The following C19orf12 variants were observed in gnomAD, a reference collection of about 807,000 sequenced individuals.
The protein encoded by C19orf12 is protein C19orf12.
Under a neutral mutation model 3.8 loss-of-function variants are expected in C19orf12, and 2 were observed. The ratio of observed to expected loss-of-function variants is 0.53; its 90% CI spans 0.22 to 1.66. The LOEUF is 1.66. Ranked by LOEUF, C19orf12 falls within the 40% of genes most tolerant of loss-of-function variation. The probability of loss-of-function intolerance (pLI) is 0.20; values close to 1 mark genes in which losing one functional copy is unlikely to be tolerated. For synonymous variants in C19orf12, 89 were observed against 84.6 expected, an observed-to-expected ratio of 1.05 and a Z score of -0.28; for missense variants, 156 against 188.8, an observed-to-expected ratio of 0.83 and a Z score of 1.02.
chr19:29,714,004 C>CTCTCTT (rs1012854196), intron 1 of C19orf12, among the ~76,000 whole-genome samples: 2 of 151,792 alleles, frequency 1.3e-5, no homozygotes, highest in Admixed American at 6.6e-5. Flanking sequence ...TTCTCTCTCT[C>CTCTCTT]TCTCTTTCTC....
At chr19:29,705,957 T>G (rs112999729) in intron 2 of C19orf12, among the ~76,000 whole-genome samples, 1 of 152,218 alleles carries the variant, frequency 6.6e-6, no homozygotes, top group African/African-American at 2.4e-5. Flanking sequence ...ATGAAAAGTT[T>G]CTTTCAAAAA....
At chr19:29,704,191 C>T (rs976805243) in intron 2 of C19orf12, among the ~76,000 whole-genome samples, 4 of 152,094 alleles carry the variant, frequency 2.6e-5, no homozygotes, top group East Asian at 3.9e-4. Context: ...ACAAACTGGC[C>T]GGGCGCAGTG....
chr19:29,702,642 A>C lies in C19orf12; in HGVS notation c.*70T>G. 1 of 1,605,090 alleles carries C rather than the reference A, an allele frequency of 6.2e-7. No individual in the cohort carries two copies. Among genetic ancestry groups the C allele is most frequent in the African/African-American group, 1.3e-5 (1 of 74,868 alleles). On this transcript the variant is annotated 3_prime_UTR_variant, in exon 3 of 3. Transcript: ENST00000323670. ...AGGGGGCATCCGCTGGGCTTCTCCC[A>C]ACTCCCAAGCCACCTCTTCAGAATC...
At chr19:29,706,916 C>G (rs1009238235) in intron 2 of C19orf12, among the ~76,000 whole-genome samples, 1 of 152,214 alleles carries the variant, frequency 6.6e-6, no homozygotes, top group Non-Finnish European at 1.5e-5. Flanking sequence ...GGCCACAGCC[C>G]CAGGCCAGGT....
At chr19:29,714,019 CCT>C (rs1490384629) in intron 1 of C19orf12, among the ~76,000 whole-genome samples, 1 of 149,568 alleles carries the variant, frequency 6.7e-6, no homozygotes, top group East Asian at 2.0e-4. Context: ...TTTCTCTTTC[CCT>C]CTCCCCTTCC....
intron 2 of C19orf12, among the ~76,000 whole-genome samples, chr19:29,707,974 C>T (rs1051021221): frequency 5.3e-5 from 8 of 151,458 alleles, no homozygotes; most frequent in East Asian, 1.9e-4. Flanking sequence ...CGGGTTTAAG[C>T]GATTCTCCTG....
chr19:29,706,496 T>C (rs926910946), intron 2 of C19orf12, among the ~76,000 whole-genome samples: 2 of 152,200 alleles, frequency 1.3e-5, no homozygotes, highest in African/African-American at 4.8e-5. Flanking sequence ...TCAATCTGAA[T>C]AAAATATGTG....
At chr19:29,708,198 C>G (rs1162299149) in intron 2 of C19orf12, 56 bp downstream of exon 2, 1 of 1,598,766 alleles carries the variant, frequency 6.3e-7, no homozygotes, top group East Asian at 2.2e-5. Flanking sequence ...TGTGTTTCAA[C>G]GGCCCTTTTA....
Position 29,702,614 on chromosome 19 carries a change from C to G in C19orf12, c.*98G>C. 1 of 1,515,794 alleles carries G rather than the reference C, an allele frequency of 6.6e-7. No individual in the cohort carries two copies. Among genetic ancestry groups the G allele is most frequent in the Non-Finnish European group, 9.1e-7 (1 of 1,093,976 alleles). The allele number at this position is 1,515,794 out of a possible 1,614,324, so 93.9% of individuals were successfully genotyped here. A position where few individuals can be genotyped will look rare whatever the true frequency, so the allele number is the denominator to read the frequency against. ...TAATACACTGATGATGTGGAGATTCCCCAGGGGGCATCCGCTGGGCTTCTC... is the reference window on the plus strand; with the variant it reads ...TAATACACTGATGATGTGGAGATTCGCCAGGGGGCATCCGCTGGGCTTCTC... On this transcript the variant is annotated 3_prime_UTR_variant, in exon 3 of 3. Coordinates refer to ENST00000323670, the MANE Select transcript of C19orf12 (RefSeq NM_031448.6).
intron 1 of C19orf12, among the ~76,000 whole-genome samples, chr19:29,711,098 G>A (rs1184642022): frequency 7.4e-6 from 1 of 135,468 alleles, no homozygotes; most frequent in Non-Finnish European, 1.5e-5. Flanking sequence ...GGAGTGTAGC[G>A]GCGCGATCTC....
At position 29,715,225 on chromosome 19, in the gene C19orf12, G is replaced by C; in HGVS notation, c.-111C>G. The C allele has an allele frequency of 4.5e-6, 2 of 439,858 alleles. No individual in the cohort carries two copies. The highest frequency in any genetic ancestry group is 8.4e-6 in the Non-Finnish European group (2 of 239,056). The allele number at this position is 439,858 out of a possible 1,614,324, so 27.2% of individuals were successfully genotyped here. A position where few individuals can be genotyped will look rare whatever the true frequency, so the allele number is the denominator to read the frequency against. On this transcript the variant is annotated 5_prime_UTR_variant, in exon 1 of 3. Coordinates refer to ENST00000323670, the MANE Select transcript of C19orf12 (RefSeq NM_031448.6). ...TCCCCGCCCAGCTCCCCAGCCCCGC[G>C]GAGGGTCGCGCAGGCCTTGGTGGCG...
chr19:29,703,379 T>TTTTC, intron 2 of C19orf12, among the ~76,000 whole-genome samples: 1 of 113,116 alleles, frequency 8.8e-6, no homozygotes. Context: ...TTTTCTTTTC[T>TTTTC]TTTTTTTTTT....
chr19:29,702,635 T>C lies in C19orf12; in HGVS notation c.*77A>G. ...ATTCCCCAGGGGGCATCCGCTGGGC[T>C]TCTCCCAACTCCCAAGCCACCTCTT... On this transcript the variant is annotated 3_prime_UTR_variant, in exon 3 of 3. Coordinates refer to ENST00000323670, the MANE Select transcript of C19orf12 (RefSeq NM_031448.6). The C allele has an allele frequency of 6.3e-7, 1 of 1,595,058 alleles. No individual in the cohort carries two copies.
rs1215251810 is a variant in C19orf12 at position 29,703,729 on chromosome 19, G to A, written c.161-752C>T. ...TCTCAGGCTGGGTGCGGTGGCTCAT[G>A]CCTGTAATATCAGCAATTTGGGAGG... On this transcript the variant is annotated intron_variant, in intron 2 of 2. Transcript: ENST00000323670. 2.6e-5 allele frequency among the ~76,000 whole-genome samples: 4 copies of A among 152,078 alleles called. No homozygotes were observed. In the East Asian group the frequency reaches 7.8e-4, roughly 30 times the overall value.
At chr19:29,711,932 A>T (rs1298935170) in intron 1 of C19orf12, among the ~76,000 whole-genome samples, 1 of 152,220 alleles carries the variant, frequency 6.6e-6, no homozygotes, top group Non-Finnish European at 1.5e-5. Context: ...AATTAGGCAA[A>T]TAGTTAGGGC....
chr19:29,704,128 T>G (rs527773363), intron 2 of C19orf12, among the ~76,000 whole-genome samples: 45 of 152,308 alleles, frequency 3.0e-4, no homozygotes, highest in African/African-American at 1.1e-3. Flanking sequence ...GGCTCTTTCC[T>G]CTTGAAGCAG....
Position 29,699,839 on chromosome 19 carries a change from T to A in C19orf12, c.*2873A>T, listed in dbSNP as rs1971980717. On this transcript the variant is annotated 3_prime_UTR_variant, in exon 3 of 3. Transcript: ENST00000323670. Reference sequence around the variant, plus strand: ...TATTACTTATTCAAAAATAAATAAATTTCTACAAAGAAGATACAGATATAT... The same window carrying A: ...TATTACTTATTCAAAAATAAATAAAATTCTACAAAGAAGATACAGATATAT... 2.2e-6 allele frequency: 1 copy of A among 449,976 alleles called. No homozygotes were observed. Among genetic ancestry groups the A allele is most frequent in the Admixed American group, 2.4e-5 (1 of 41,610 alleles). The allele number at this position is 449,976 out of a possible 1,614,324, so 27.9% of individuals were successfully genotyped here. A position where few individuals can be genotyped will look rare whatever the true frequency, so the allele number is the denominator to read the frequency against.
At position 29,699,825 on chromosome 19, in the gene C19orf12, C is replaced by T. The variant is rs1276642333; in HGVS notation, c.*2887G>A. ...TTGTACCAGGCAGGTATTACTTATT[C>T]AAAAATAAATAAATTTCTACAAAGA... On this transcript the variant is annotated 3_prime_UTR_variant, in exon 3 of 3. Transcript: ENST00000323670. 1 of 449,382 alleles carries T rather than the reference C, an allele frequency of 2.2e-6. No homozygotes were observed. The highest frequency in any genetic ancestry group is 4.4e-6 in the Non-Finnish European group (1 of 225,762). The allele number at this position is 449,382 out of a possible 1,614,324, so 27.8% of individuals were successfully genotyped here. A position where few individuals can be genotyped will look rare whatever the true frequency, so the allele number is the denominator to read the frequency against.
intron 1 of C19orf12, among the ~76,000 whole-genome samples, chr19:29,709,753 C>T (rs200241752): frequency 6.6e-6 from 1 of 151,964 alleles, no homozygotes; most frequent in East Asian, 1.9e-4. Flanking sequence ...TGGTCTTGAA[C>T]TCCTGGGCTC....
Sources: gnomAD v4.1 joint callset for allele counts (sites outside exome capture counted in the v4.1 genomes callset) on GRCh38, gnomAD v4.1.1 for gene constraint, MANE v1.5 for transcripts, NCBI Gene and HGNC (gene_info 2026-07-23, HGNC 2026-07-21) for gene names.